The following DSCAM variants were observed in gnomAD, a reference collection of about 807,000 sequenced individuals.
The protein encoded by DSCAM is DS cell adhesion molecule.
In DSCAM, 47 loss-of-function variants were observed where a neutral mutation model predicts 217.7. That is an observed-to-expected ratio of 0.22 (90% confidence interval 0.17 to 0.28). The LOEUF is 0.28. Ranked by LOEUF, DSCAM falls within the 10% of genes least tolerant of loss-of-function variation. The pLI, the probability that DSCAM is intolerant of heterozygous loss-of-function variation, is 1.00. For synonymous variants in DSCAM, 1,056 were observed against 1,015.3 expected, an observed-to-expected ratio of 1.04 and a Z score of -0.76; for missense variants, 2,080 against 2,618.3, an observed-to-expected ratio of 0.79 and a Z score of 4.49.
chr21:40,033,546 T>G (rs1366005893), intron 32 of DSCAM, among the ~76,000 whole-genome samples: 1 of 151,456 alleles, frequency 6.6e-6, no homozygotes, highest in Non-Finnish European at 1.5e-5. Context: ...TCTTGCTGAT[T>G]GCTAGCACAG....
At chr21:40,018,012 G>C (rs966900921) in intron 32 of DSCAM, among the ~76,000 whole-genome samples, 3 of 121,994 alleles carry the variant, frequency 2.5e-5, no homozygotes, top group Non-Finnish European at 5.0e-5. Flanking sequence ...TTGCCATATA[G>C]AATAGCTTTG....
At chr21:40,727,404 A>T (rs924684360) in intron 1 of DSCAM, among the ~76,000 whole-genome samples, 1 of 152,224 alleles carries the variant, frequency 6.6e-6, no homozygotes, top group African/African-American at 2.4e-5. Context: ...AAAAAAATTA[A>T]TAAGAGTCAC....
At chr21:40,533,826 T>C (rs371516220) in intron 3 of DSCAM, among the ~76,000 whole-genome samples, 48 of 151,884 alleles carry the variant, frequency 3.2e-4, no homozygotes, top group African/African-American at 1.1e-3. Flanking sequence ...GGTTTGAAAA[T>C]GAAGCTTCAA....
chr21:40,379,733 A>G (rs1428305004), intron 3 of DSCAM, among the ~76,000 whole-genome samples: 1 of 152,194 alleles, frequency 6.6e-6, no homozygotes, highest in Non-Finnish European at 1.5e-5. Flanking sequence ...AAAGGTTTGC[A>G]CAGTGCTAAA....
chr21:40,355,325 TA>T (rs1032998735), intron 4 of DSCAM, among the ~76,000 whole-genome samples: 2 of 152,162 alleles, frequency 1.3e-5, no homozygotes, highest in Non-Finnish European at 2.9e-5. Context: ...GACAATGGAT[TA>T]AAAAGCAGCA....
chr21:40,466,802 T>C (rs1188716397), intron 3 of DSCAM, among the ~76,000 whole-genome samples: 2 of 152,136 alleles, frequency 1.3e-5, no homozygotes, highest in Admixed American at 1.3e-4. Flanking sequence ...TTGCTGAGAG[T>C]GGACAAGGTT....
At chr21:40,015,415 C>CT (rs1491369175) in intron 32 of DSCAM, among the ~76,000 whole-genome samples, 684 of 57,954 alleles carry the variant, frequency 0.012, 4 homozygotes, top group African/African-American at 0.034. Context: ...TATCTCTTGA[C>CT]TCTTTTTTTT....
At chr21:40,668,745 T>G (rs2146395713) in intron 3 of DSCAM, among the ~76,000 whole-genome samples, 1 of 152,310 alleles carries the variant, frequency 6.6e-6, no homozygotes, top group East Asian at 1.9e-4. Flanking sequence ...TACAGTGAGC[T>G]GCATGTCATA....
intron 3 of DSCAM, among the ~76,000 whole-genome samples, chr21:40,683,888 C>T (rs969329949): frequency 5.3e-5 from 8 of 152,024 alleles, no homozygotes; most frequent in South Asian, 2.1e-4. Flanking sequence ...GCTATACAGA[C>T]GCGGGCGCAA....
intron 3 of DSCAM, among the ~76,000 whole-genome samples, chr21:40,532,527 G>A (rs536973314): frequency 3.9e-5 from 6 of 152,306 alleles, no homozygotes; most frequent in Admixed American, 6.5e-5. Context: ...TAAAGGAAAG[G>A]TGGTCAGAAA....
rs567338853 is a variant in DSCAM at position 40,611,316 on chromosome 21, CAA to C, written c.508+81492_508+81493del. ...TCATGATTTGCCTGCCTTGGCCTCA[CAA>C]AGTGTTGGGATTACAGGTGCGAGCC... On this transcript the variant is annotated intron_variant, in intron 3 of 32. Coordinates refer to ENST00000400454, the MANE Select transcript of DSCAM (RefSeq NM_001389.5). Among the ~76,000 whole-genome samples the C allele has an allele frequency of 2.2e-4, 33 of 152,126 alleles. No individual in the cohort carries two copies. The South Asian group carries it at 6.3e-3, about 29-fold the overall frequency.
chr21:40,645,372 T>C (rs1052082952), intron 3 of DSCAM, among the ~76,000 whole-genome samples: 24 of 151,864 alleles, frequency 1.6e-4, no homozygotes, highest in African/African-American at 5.8e-4. Flanking sequence ...GAACCAAGAG[T>C]AAAAATGTTT....
At chr21:40,246,390 A>AAT (rs2073225369) in intron 11 of DSCAM, among the ~76,000 whole-genome samples, 2 of 141,660 alleles carry the variant, frequency 1.4e-5, no homozygotes, top group African/African-American at 5.3e-5. Context: ...AAAAAAAAAA[A>AAT]ATTAGCTAGG....
intron 1 of DSCAM, among the ~76,000 whole-genome samples, chr21:40,727,938 C>T (rs2090974022): frequency 6.6e-6 from 1 of 152,188 alleles, no homozygotes; most frequent in Non-Finnish European, 1.5e-5. Flanking sequence ...AGGCTCCCAC[C>T]TCTGGGTCTC....
chr21:40,789,709 C>T (rs563888413), intron 1 of DSCAM, among the ~76,000 whole-genome samples: 1 of 152,160 alleles, frequency 6.6e-6, no homozygotes, highest in Non-Finnish European at 1.5e-5. Flanking sequence ...GTGCCCACCA[C>T]CCCGCCCAGC....
In DSCAM at chr21:40,144,471, C is replaced by A. The variant is rs368726929; in HGVS notation, c.3259+20G>T. 60 of 1,612,050 alleles carry A rather than the reference C, an allele frequency of 3.7e-5. No individual in the cohort carries two copies. Among genetic ancestry groups the A allele is most frequent in the African/African-American group, 5.3e-5 (4 of 74,910 alleles). On this transcript the variant is annotated intron_variant, in intron 17 of 32. Transcript: ENST00000400454. The surrounding 1 kb of genome is among the most constrained non-coding windows in gnomAD (Gnocchi z 4.8). ...CCTTTGCGGAGGGAAAAGCCACGAC[C>A]AGGCCCCGGCCGAACCTACCATCCT... is the stretch of plus-strand genomic sequence containing the variant.
intron 1 of DSCAM, among the ~76,000 whole-genome samples, chr21:40,767,042 C>G (rs536525354): frequency 6.6e-6 from 1 of 152,080 alleles, no homozygotes; most frequent in South Asian, 2.1e-4. Flanking sequence ...ACTTGCTTTA[C>G]AGGAAATACG....
At chr21:40,703,884 T>G (rs2090683598) in intron 2 of DSCAM, among the ~76,000 whole-genome samples, 1 of 152,070 alleles carries the variant, frequency 6.6e-6, no homozygotes, top group South Asian at 2.1e-4. Context: ...TTTTTTTGAA[T>G]AAAGCTTGAT....
intron 1 of DSCAM, among the ~76,000 whole-genome samples, chr21:40,712,469 CAAA>C (rs571819417): frequency 7.3e-5 from 2 of 27,330 alleles, no homozygotes; most frequent in Admixed American, 3.8e-4. Flanking sequence ...GACTCCGTCT[CAAA>C]AAAAAAAAAA....
Sources: allele counts gnomAD v4.1 joint callset (sites outside exome capture counted in the v4.1 genomes callset), GRCh38; gene constraint gnomAD v4.1.1; non-coding constraint Gnocchi (gnomAD v3.1); transcripts MANE v1.5; gene names NCBI Gene and HGNC (gene_info 2026-07-23, HGNC 2026-07-21).